Variants in OR8D4 observed in about 807,000 individuals in gnomAD.
The protein encoded by OR8D4 is olfactory receptor family 8 subfamily D member 4, also known as olfactory receptor 8D4.
For missense variants in OR8D4, 359 were observed against 372.6 expected (o/e 0.96, Z 0.30); for synonymous variants, 141 against 134.8 (o/e 1.05, Z -0.32).
chr11:123,904,506 A>C (rs1391559823), intron 1 of OR8D4, among the ~76,000 whole-genome samples: 4 of 152,308 alleles, frequency 2.6e-5, no homozygotes, highest in Middle Eastern at 3.4e-3. Context: ...ACTAGACTAC[A>C]CACATGAATG....
Position 123,907,390 on chromosome 11 carries a change from T to A in OR8D4, c.*14T>A. On this transcript the variant is annotated 3_prime_UTR_variant, in exon 2 of 2. Transcript: ENST00000641687. Reference sequence around the variant, plus strand: ...TCTCCAGGATAAATATGCTCTTTATTAAGATCTATTTCTGTATTCATAATC... The same window carrying A: ...TCTCCAGGATAAATATGCTCTTTATAAAGATCTATTTCTGTATTCATAATC... 9.9e-7 allele frequency: 1 copy of A among 1,009,586 alleles called. No homozygotes were observed. Among genetic ancestry groups the A allele is most frequent in the Non-Finnish European group, 1.5e-6 (1 of 671,976 alleles). The allele number at this position is 1,009,586 out of a possible 1,614,324, so 62.5% of individuals were successfully genotyped here.
rs762969326 is a variant in OR8D4 at position 123,906,534 on chromosome 11, TAC to T, written c.107_108del (p.Thr36SerfsTer14). The T allele has an allele frequency of 8.1e-6, 13 of 1,613,842 alleles. No individual in the cohort carries two copies. In the African/African-American group the frequency reaches 1.2e-4, roughly 15 times the overall value. ...CCTCTTCTGCCTCTTCTTAGGAATT[TAC>T]ACAGTTACTGTGGTGGGAAACCTCA... ...LPLFCLFLGI[Y>X]TVTVVGNLSM... On this transcript the variant is annotated frameshift_variant, in exon 2 of 2. Coordinates refer to ENST00000641687, the MANE Select transcript of OR8D4 (RefSeq NM_001005197.2). LOFTEE classifies it low-confidence loss of function (END_TRUNC).
Position 123,907,464 on chromosome 11 carries a change from G to C in OR8D4, c.*88G>C. 2 of 666,146 alleles carry C rather than the reference G, an allele frequency of 3.0e-6. No individual in the cohort carries two copies. Among genetic ancestry groups the C allele is most frequent in the Non-Finnish European group, 4.9e-6 (2 of 406,640 alleles). The allele number at this position is 666,146 out of a possible 1,614,324, so 41.3% of individuals were successfully genotyped here. On this transcript the variant is annotated 3_prime_UTR_variant, in exon 2 of 2. Coordinates refer to ENST00000641687, the MANE Select transcript of OR8D4 (RefSeq NM_001005197.2). ...CCTTGACTATTTAAAAGTAATTTGAGGTCCAGGTACGGTGACTTACGCCTG... is the reference window on the plus strand; with the variant it reads ...CCTTGACTATTTAAAAGTAATTTGACGTCCAGGTACGGTGACTTACGCCTG...
chr11:123,903,428 T>C (rs1863176929), intron 1 of OR8D4, among the ~76,000 whole-genome samples: 2 of 152,186 alleles, frequency 1.3e-5, no homozygotes, highest in Non-Finnish European at 2.9e-5. Flanking sequence ...TATATGTCTA[T>C]TGGGCAATGC....
chr11:123,907,123 A>G lies in OR8D4; in HGVS notation c.692A>G (p.Lys231Arg), dbSNP rs879403541. 16 of 1,613,804 alleles carry G rather than the reference A, an allele frequency of 9.9e-6. No homozygotes were observed. The highest frequency in any genetic ancestry group is 1.3e-5 in the African/African-American group (1 of 74,890). Residue 231 changes from lysine to arginine, a missense_variant, in exon 2 of 2, where the codon AAA (lysine) becomes AGA (arginine). Physicochemically the swap from Lys to Arg is conservative, Grantham distance 26. Transcript: ENST00000641687. ...ACCAGCATCCTGCGCATCCACTCTAAAAAGGGCAGGTGCAAAGCGTTTAGC... is the reference window on the plus strand; with the variant it reads ...ACCAGCATCCTGCGCATCCACTCTAGAAAGGGCAGGTGCAAAGCGTTTAGC... ...ILTSILRIHS[K>R]KGRCKAFSTC...
intron 1 of OR8D4, among the ~76,000 whole-genome samples, chr11:123,905,143 T>C (rs1863190275): frequency 6.6e-6 from 1 of 152,202 alleles, no homozygotes; most frequent in Non-Finnish European, 1.5e-5. Context: ...AGCCTTAGCC[T>C]GGAGGATGGC....
Position 123,907,010 on chromosome 11 carries a change from T to C in OR8D4, c.579T>C (p.Tyr193=), listed in dbSNP as rs750182478. 1.5e-4 allele frequency: 235 copies of C among 1,613,900 alleles called. No homozygotes were observed. The highest frequency in any genetic ancestry group is 1.8e-4 in the Non-Finnish European group (215 of 1,179,884). ...PLIKLSCSST[Y]IDELLIFVIG... Reference sequence around the variant, plus strand: ...TTAAACTCTCCTGCTCCAGCACTTATATTGATGAGCTTTTGATTTTTGTCA... The same window carrying C: ...TTAAACTCTCCTGCTCCAGCACTTACATTGATGAGCTTTTGATTTTTGTCA... Residue 193 remains tyrosine, a synonymous_variant, in exon 2 of 2, where the codon TAT becomes TAC. Transcript: ENST00000641687.
In OR8D4 at chr11:123,906,648, T is replaced by C. The variant is rs1591438283; in HGVS notation, c.217T>C (p.Tyr73His). 1 of 1,613,480 alleles carries C rather than the reference T, an allele frequency of 6.2e-7. No homozygotes were observed. Among genetic ancestry groups the C allele is most frequent in the Non-Finnish European group, 8.5e-7 (1 of 1,179,374 alleles). The change falls in exon 2 of 2, where the codon TAT becomes CAT. Residue 73 changes from tyrosine (Y) to histidine (H), a missense_variant. Coordinates refer to ENST00000641687, the MANE Select transcript of OR8D4 (RefSeq NM_001005197.2). ...LSSLSFLDFCYSSVITPKMLS... is the reference protein window; with the variant it reads ...LSSLSFLDFCHSSVITPKMLS... ...TAGTTTGTCTTTTTTAGATTTCTGC[T>C]ATTCTTCTGTCATTACCCCTAAAAT...
intron 1 of OR8D4, among the ~76,000 whole-genome samples, chr11:123,903,406 G>A (rs148866357): frequency 1.2e-3 from 181 of 152,112 alleles, no homozygotes; most frequent in Non-Finnish European, 2.2e-3. Context: ...TAAATTGCCC[G>A]TGTGTCTGCA....
intron 1 of OR8D4, chr11:123,906,172 T>G: frequency 2.6e-6 from 1 of 390,968 alleles, no homozygotes; most frequent in Non-Finnish European, 4.5e-6. Flanking sequence ...TGTCTCTAAC[T>G]CTGGAGTAAA....
At position 123,906,977 on chromosome 11, in the gene OR8D4, C is replaced by T. The variant is rs2137493819; in HGVS notation, c.546C>T (p.Val182=). The T allele has an allele frequency of 3.7e-6, 6 of 1,614,018 alleles. 1 individual carries two copies. The Middle Eastern group carries it at 6.6e-4, about 178-fold the overall frequency. ...TTAAACATTATTTCTGTGACATTGT[C>T]CCTCTTATTAAACTCTCCTGCTCCA... ...NIIKHYFCDI[V]PLIKLSCSST... The change falls in exon 2 of 2, where the codon GTC becomes GTT. Residue 182 remains valine (V), a synonymous_variant. Transcript: ENST00000641687.
chr11:123,903,617 A>G (rs1327621526), intron 1 of OR8D4, among the ~76,000 whole-genome samples: 1 of 152,180 alleles, frequency 6.6e-6, no homozygotes, highest in African/African-American at 2.4e-5. Context: ...ATACAACCTC[A>G]TAAATTTGTA....
intron 1 of OR8D4, among the ~76,000 whole-genome samples, chr11:123,904,334 A>C (rs11219342): frequency 0.032 from 4,896 of 152,248 alleles, 261 homozygotes; most frequent in African/African-American, 0.11. Flanking sequence ...GAGGGAGCCC[A>C]GTAGGAATTA....
chr11:123,906,782 C>T lies in OR8D4; in HGVS notation c.351C>T (p.Ala117=), dbSNP rs1478441428. Residue 117 remains alanine, a synonymous_variant, in exon 2 of 2, where the codon GCC becomes GCT. Transcript: ENST00000641687. ...CVISECYMLA[A]MACDRYVAIC... is the part of the protein sequence containing the mutation. ...TTTCTGAATGCTACATGCTGGCAGC[C>T]ATGGCCTGCGATCGCTACGTGGCCA... is the stretch of plus-strand genomic sequence containing the variant. 6.2e-7 allele frequency: 1 copy of T among 1,613,820 alleles called. No individual in the cohort carries two copies. The highest frequency in any genetic ancestry group is 1.7e-5 in the Admixed American group (1 of 60,010).
intron 1 of OR8D4, among the ~76,000 whole-genome samples, chr11:123,904,238 C>T (rs375667679): frequency 6.6e-6 from 1 of 152,054 alleles, no homozygotes; most frequent in Non-Finnish European, 1.5e-5. Flanking sequence ...GAAAAAGAAA[C>T]CTCACAGGCT....
chr11:123,906,435 G>T lies in OR8D4; in HGVS notation c.4G>T (p.Gly2Cys). The change falls in exon 2 of 2, where the codon GGT (glycine) becomes TGT (cysteine). Residue 2 changes from glycine (G) to cysteine (C), a missense_variant. By Grantham distance (159) the Gly-to-Cys change is radical (BLOSUM62 -3). Transcript: ENST00000641687. Reference sequence around the variant, plus strand: ...TCCACAGATTTCTCAGAGAAGAATGGGTGTAAAAAACCATTCCACAGTGAC... The same window carrying T: ...TCCACAGATTTCTCAGAGAAGAATGTGTGTAAAAAACCATTCCACAGTGAC... M[G>C]VKNHSTVTEF... 6.3e-7 allele frequency: 1 copy of T among 1,585,826 alleles called. No homozygotes were observed.
Position 123,906,727 on chromosome 11 carries a change from T to G in OR8D4, c.296T>G (p.Ile99Ser). ...DRSISYSGCM[I>S]QLFFFCVCVI... The stretch of plus-strand genomic sequence containing the variant: ...TCCATCTCCTATTCTGGATGCATGA[T>G]TCAGCTGTTTTTTTTCTGTGTTTGT... The change falls in exon 2 of 2, where the codon ATT (isoleucine) becomes AGT (serine). Residue 99 changes from isoleucine to serine, a missense_variant. Coordinates refer to ENST00000641687, the MANE Select transcript of OR8D4 (RefSeq NM_001005197.2). 1 of 1,613,824 alleles carries G rather than the reference T, an allele frequency of 6.2e-7. No individual in the cohort carries two copies. Among genetic ancestry groups the G allele is most frequent in the Non-Finnish European group, 8.5e-7 (1 of 1,179,884 alleles).
chr11:123,904,126 T>A (rs1432331871), intron 1 of OR8D4, among the ~76,000 whole-genome samples: 3 of 152,138 alleles, frequency 2.0e-5, no homozygotes, highest in East Asian at 3.8e-4. Flanking sequence ...GACTGTGCAT[T>A]GCTAAAAAAA....
At position 123,906,479 on chromosome 11, in the gene OR8D4, A is replaced by G; in HGVS notation, c.48A>G (p.Gly16=). 6.2e-7 allele frequency: 1 copy of G among 1,613,258 alleles called. No individual in the cohort carries two copies. Among genetic ancestry groups the G allele is most frequent in the South Asian group, 1.1e-5 (1 of 90,910 alleles). ...CAGTGACTGAGTTTCTTCTTTCAGGATTAACTGAACAAGCAGAGCTTCAGC... is the reference window on the plus strand; with the variant it reads ...CAGTGACTGAGTTTCTTCTTTCAGGGTTAACTGAACAAGCAGAGCTTCAGC... ...HSTVTEFLLS[G]LTEQAELQLP... The change falls in exon 2 of 2, where the codon GGA becomes GGG. Residue 16 remains glycine, a synonymous_variant. Coordinates refer to ENST00000641687, the MANE Select transcript of OR8D4 (RefSeq NM_001005197.2).
Sources: allele counts gnomAD v4.1 joint callset (sites outside exome capture counted in the v4.1 genomes callset), GRCh38; gene constraint gnomAD v4.1.1; transcripts MANE v1.5; gene names NCBI Gene and HGNC (gene_info 2026-07-23, HGNC 2026-07-21).